Variants in ANKRD6 observed in about 807,000 individuals in gnomAD.
The protein encoded by ANKRD6 is ankyrin repeat domain 6.
ANKRD6 carries 56 observed loss-of-function variants against 82.3 expected under a neutral mutation model. The ratio of observed to expected loss-of-function variants is 0.68; its 90% CI spans 0.55 to 0.85. The LOEUF (loss-of-function observed/expected upper bound fraction) is 0.85. Ranked by LOEUF, ANKRD6 falls within the 40% of genes least tolerant of loss-of-function variation. ANKRD6 has a pLI of 0.00. For synonymous variants in ANKRD6, 347 were observed against 352.1 expected (o/e 0.99, Z 0.16); for missense variants, 852 against 907.6 (o/e 0.94, Z 0.79).
rs777608769 is a variant in ANKRD6 at position 89,603,161 on chromosome 6, G to T, written c.318+34G>T. 5 of 1,564,972 alleles carry T rather than the reference G, an allele frequency of 3.2e-6. No homozygotes were observed. In the East Asian group the frequency reaches 1.2e-4, roughly 37 times the overall value. ...ACACTGAGCTTCCTTACTCCCCAAG[G>T]CAAGGGAAGCCAGTGGCTCAGGGGA... On this transcript the variant is annotated intron_variant, in intron 4 of 15. Transcript: ENST00000339746.
rs138780029 is a variant in ANKRD6 at position 89,627,692 on chromosome 6, G to A, written c.1481G>A (p.Arg494Gln). ...ACAGAGAAGCATGAGGGGGAGAAAC[G>A]ACAGGTAGGAACCAGCATCTGCTAG... The part of the protein sequence containing the change: ...SDTEKHEGEK[R>Q]QISLVDELKT... Residue 494 changes from arginine to glutamine, a missense_variant, in exon 14 of 16, where the codon CGA becomes CAA. By Grantham distance (43) the Arg-to-Gln change is conservative. Coordinates refer to ENST00000339746, the MANE Select transcript of ANKRD6 (RefSeq NM_001242809.2). 2.3e-5 allele frequency: 37 copies of A among 1,613,626 alleles called. No homozygotes were observed. In the East Asian group the frequency reaches 6.9e-4, roughly 30 times the overall value.
rs6919098 is a variant in ANKRD6 at position 89,607,881 on chromosome 6, C to T, written c.417+1776C>T. 3.3e-3 allele frequency among the ~76,000 whole-genome samples: 334 copies of T among 99,718 alleles called. 2 individuals are homozygous for T. Among genetic ancestry groups the T allele is most frequent in the South Asian group, 0.018 (44 of 2,472 alleles). 65.4% of individuals were successfully genotyped at this position (99,718 alleles called of 152,430 possible). A position where few individuals can be genotyped will look rare whatever the true frequency, so the allele number is the denominator to read the frequency against. Reference sequence around the variant, plus strand: ...CAGGCTGGTCTTGAACTCCTGACCCCGTGATCTGCCCGCCTCAGCCTCCTA... The same window carrying T: ...CAGGCTGGTCTTGAACTCCTGACCCTGTGATCTGCCCGCCTCAGCCTCCTA... On this transcript the variant is annotated intron_variant, in intron 5 of 15. Transcript: ENST00000339746.
chr6:89,623,682 C>T, intron 11 of ANKRD6, 138 bp downstream of exon 11: 1 of 1,359,294 alleles, frequency 7.4e-7, no homozygotes, highest in Non-Finnish European at 9.9e-7. Context: ...GAAATTAAAT[C>T]TGGCTAACAT....
intron 2 of ANKRD6, among the ~76,000 whole-genome samples, chr6:89,589,713 T>C (rs189058821): frequency 5.8e-4 from 89 of 152,370 alleles, no homozygotes; most frequent in Middle Eastern, 3.4e-3. Context: ...GCAGCAGTTA[T>C]GCTGGAGTTA....
At chr6:89,547,698 T>C (rs1583214377) in intron 1 of ANKRD6, among the ~76,000 whole-genome samples, 2 of 152,172 alleles carry the variant, frequency 1.3e-5, no homozygotes, top group East Asian at 3.9e-4. Flanking sequence ...CCTTACATAA[T>C]ATTTTATAGA....
chr6:89,593,759 A>G (rs560002097), intron 2 of ANKRD6, among the ~76,000 whole-genome samples: 1 of 152,290 alleles, frequency 6.6e-6, no homozygotes, highest in Non-Finnish European at 1.5e-5. Flanking sequence ...TTGATGTTTG[A>G]ATGTTTCTTC....
intron 12 of ANKRD6, 127 bp downstream of exon 12, chr6:89,624,184 A>C (rs1346617878): frequency 2.8e-5 from 32 of 1,134,900 alleles, no homozygotes; most frequent in Middle Eastern, 2.5e-4. Context: ...TTTGAAGGTA[A>C]GCCAGATGGC....
intron 7 of ANKRD6, among the ~76,000 whole-genome samples, chr6:89,614,526 A>G (rs372355987): frequency 3.3e-5 from 5 of 152,276 alleles, no homozygotes; most frequent in African/African-American, 1.2e-4. Flanking sequence ...TGCACCTGCA[A>G]TCTCAGCTAC....
chr6:89,495,018 A>G (rs976224758), intron 1 of ANKRD6, among the ~76,000 whole-genome samples: 1 of 152,142 alleles, frequency 6.6e-6, no homozygotes, highest in African/African-American at 2.4e-5. Context: ...GCGGATCACA[A>G]GGTCAGGAGA....
chr6:89,549,690 A>G (rs1159254217), intron 1 of ANKRD6, among the ~76,000 whole-genome samples: 1 of 152,154 alleles, frequency 6.6e-6, no homozygotes, highest in Non-Finnish European at 1.5e-5. Flanking sequence ...TGACTTTTTG[A>G]AGTCATAGAC....
At chr6:89,566,233 A>C (rs917566691) in intron 1 of ANKRD6, among the ~76,000 whole-genome samples, 1 of 152,254 alleles carries the variant, frequency 6.6e-6, no homozygotes, top group South Asian at 2.1e-4. Flanking sequence ...TGGAACAAGG[A>C]ATTGGCCCAG....
At chr6:89,523,159 A>T (rs1320047461) in intron 1 of ANKRD6, among the ~76,000 whole-genome samples, 1 of 152,244 alleles carries the variant, frequency 6.6e-6, no homozygotes, top group Non-Finnish European at 1.5e-5. Context: ...TGTAGGCCTC[A>T]GAAAAGGGTG....
chr6:89,577,575 A>C (rs1464305644), intron 2 of ANKRD6, among the ~76,000 whole-genome samples: 3 of 152,188 alleles, frequency 2.0e-5, no homozygotes, highest in Non-Finnish European at 4.4e-5. Flanking sequence ...AGCCTCTAGG[A>C]GTCCCCAGGC....
At chr6:89,478,439 A>C (rs1776344004) in intron 1 of ANKRD6, 1 of 152,390 alleles carries the variant, frequency 6.6e-6, no homozygotes, top group African/African-American at 2.4e-5. Context: ...TCTCTAAAAA[A>C]AAAATTTAAT....
chr6:89,576,731 T>C (rs1791190916), intron 2 of ANKRD6, among the ~76,000 whole-genome samples: 1 of 152,070 alleles, frequency 6.6e-6, no homozygotes, highest in South Asian at 2.1e-4. Flanking sequence ...CTCCTGGTTT[T>C]CCTCCCCAAG....
At chr6:89,616,750 C>A (rs1053072835) in intron 8 of ANKRD6, 93 bp downstream of exon 8, 2 of 1,256,038 alleles carry the variant, frequency 1.6e-6, no homozygotes, top group Non-Finnish European at 2.3e-6. Context: ...CCAGGCCCAG[C>A]GCACTCTGGA....
chr6:89,434,125 G>A (rs889971647), intron 1 of ANKRD6, among the ~76,000 whole-genome samples: 3 of 152,180 alleles, frequency 2.0e-5, no homozygotes, highest in African/African-American at 4.8e-5. Context: ...GCCACTTCGG[G>A]CCCGTGAGAT....
intron 1 of ANKRD6, among the ~76,000 whole-genome samples, chr6:89,446,212 C>A (rs1259015122): frequency 6.6e-6 from 1 of 152,036 alleles, no homozygotes; most frequent in Non-Finnish European, 1.5e-5. Context: ...ATTAACTGGG[C>A]ATGCTGGTGC....
chr6:89,490,940 A>AT (rs1777942809), intron 1 of ANKRD6, among the ~76,000 whole-genome samples: 1 of 152,148 alleles, frequency 6.6e-6, no homozygotes. Context: ...GTCATCCTGG[A>AT]TCGTTTGGGT....
Sources: gnomAD v4.1 joint callset for allele counts (sites outside exome capture counted in the v4.1 genomes callset) on GRCh38, gnomAD v4.1.1 for gene constraint, MANE v1.5 for transcripts, NCBI Gene and HGNC (gene_info 2026-07-23, HGNC 2026-07-21) for gene names.